Variants in CHRNB4 observed in about 807,000 individuals in gnomAD.
CHRNB4 encodes the protein cholinergic receptor nicotinic beta 4 subunit.
CHRNB4 carries 23 observed loss-of-function variants against 40.4 expected under a neutral mutation model. That is an observed-to-expected ratio of 0.57 (90% CI 0.41 to 0.81). CHRNB4 has a LOEUF of 0.81. Ranked by LOEUF, CHRNB4 falls within the 30% of genes least tolerant of loss-of-function variation. The pLI, the probability that CHRNB4 is intolerant of heterozygous loss-of-function variation, is 0.00. For missense variants in CHRNB4, 568 were observed against 670.6 expected, an observed-to-expected ratio of 0.85 and a Z score of 1.69; for synonymous variants, 285 against 274.4, an observed-to-expected ratio of 1.04 and a Z score of -0.38.
At chr15:78,637,508 G>C (rs2053978034) in intron 1 of CHRNB4, among the ~76,000 whole-genome samples, 1 of 151,410 alleles carries the variant, frequency 6.6e-6, no homozygotes, top group South Asian at 2.1e-4. Context: ...GGTGGGGGCG[G>C]GCATGCTGGT....
chr15:78,638,240 C>T (rs2053996010), intron 1 of CHRNB4, among the ~76,000 whole-genome samples: 1 of 152,248 alleles, frequency 6.6e-6, no homozygotes, highest in Admixed American at 6.5e-5. Flanking sequence ...CCTGATGTGC[C>T]CGGGTGGCTC....
chr15:78,642,302 G>A (rs145011651), upstream of CHRNB4, among the ~76,000 whole-genome samples: 64 of 152,356 alleles, frequency 4.2e-4, no homozygotes, highest in African/African-American at 1.5e-3. Flanking sequence ...TCTCCAAACT[G>A]CAGCAGTAAT....
chr15:78,655,414 A>C lies in CHRNB4; in HGVS notation c.-110+130T>G, dbSNP rs921230553. Reference sequence around the variant, plus strand: ...GTATATATACGTTACATATCTATATATATCTATATATCTATATCTATATAT... The same window carrying C: ...GTATATATACGTTACATATCTATATCTATCTATATATCTATATCTATATAT... On this transcript the variant is annotated intron_variant and NMD_transcript_variant, in intron 5 of 11. Coordinates refer to the CHRNB4 transcript ENST00000559849. 5 of 148,528 alleles carry C rather than the reference A, an allele frequency of 3.4e-5. No homozygotes were observed. In the South Asian group the frequency reaches 8.3e-4, roughly 25 times the overall value. The allele number at this position is 148,528 out of a possible 1,614,324, so 9.2% of individuals were successfully genotyped here.
At chr15:78,639,349 G>A (rs2054023486) in intron 1 of CHRNB4, among the ~76,000 whole-genome samples, 2 of 152,144 alleles carry the variant, frequency 1.3e-5, no homozygotes, top group Non-Finnish European at 2.9e-5. Flanking sequence ...AGGCTGGAGT[G>A]CAGTGGCATG....
At chr15:78,627,474 G>A (rs1435021509) in intron 5 of CHRNB4, 1 of 152,122 alleles carries the variant, frequency 6.6e-6, no homozygotes, top group East Asian at 1.9e-4. Flanking sequence ...TGTGATTCTG[G>A]GGCTGTTCCT....
chr15:78,632,111 C>T (rs1596105253), intron 2 of CHRNB4, among the ~76,000 whole-genome samples: 1 of 152,046 alleles, frequency 6.6e-6, no homozygotes, highest in Non-Finnish European at 1.5e-5. Flanking sequence ...AATAGCACCT[C>T]GGTCCCTGCC....
chr15:78,639,575 AGT>A (rs2054028191), intron 1 of CHRNB4, among the ~76,000 whole-genome samples: 1 of 152,162 alleles, frequency 6.6e-6, no homozygotes. Context: ...TGGGATTACA[AGT>A]GTGAGCCACC....
intron 1 of CHRNB4, 140 bp from the exon 2 acceptor site, chr15:78,635,727 T>A (rs1209193267): frequency 1.1e-5 from 12 of 1,090,854 alleles, no homozygotes; most frequent in Non-Finnish European, 1.6e-5. Context: ...CAGGCCTGTC[T>A]CTCCTTGAGG....
At chr15:78,660,701 G>A (rs992205560), upstream of CHRNB4, 1 of 194,712 alleles carries the variant, frequency 5.1e-6, no homozygotes, top group Non-Finnish European at 1.1e-5. Flanking sequence ...CAGGAAATAG[G>A]CTGGTTTCTG....
intron 6 of CHRNB4, among the ~76,000 whole-genome samples, chr15:78,651,358 C>T (rs1457939249): frequency 1.3e-5 from 2 of 152,202 alleles, no homozygotes. Context: ...CTGGCAAATG[C>T]CAGCTTGTCC....
chr15:78,636,086 T>A (rs2053943780), intron 1 of CHRNB4, among the ~76,000 whole-genome samples: 1 of 152,152 alleles, frequency 6.6e-6, no homozygotes, highest in South Asian at 2.1e-4. Flanking sequence ...TTTTGTATTT[T>A]AGTAGAGACA....
chr15:78,653,083 G>A (rs1226145133), intron 5 of CHRNB4, among the ~76,000 whole-genome samples: 1 of 152,158 alleles, frequency 6.6e-6, no homozygotes, highest in Non-Finnish European at 1.5e-5. Context: ...GAAAGCCTCA[G>A]CAGATAGCAC....
At chr15:78,639,129 T>A (rs1281184965) in intron 1 of CHRNB4, among the ~76,000 whole-genome samples, 1 of 152,136 alleles carries the variant, frequency 6.6e-6, no homozygotes, top group East Asian at 1.9e-4. Flanking sequence ...ATTGAAAAAA[T>A]GGAAAGATAT....
At chr15:78,661,007 C>T (rs571969264), upstream of CHRNB4, 22 of 516,004 alleles carry the variant, frequency 4.3e-5, no homozygotes, top group African/African-American at 3.7e-4. Flanking sequence ...TCTCTTCTTC[C>T]AAAATCTTTT....
At chr15:78,630,112 G>A (rs2053768733) in intron 4 of CHRNB4, among the ~76,000 whole-genome samples, 167 bp from the exon 5 acceptor site, 1 of 151,094 alleles carries the variant, frequency 6.6e-6, no homozygotes, top group Non-Finnish European at 1.5e-5. Flanking sequence ...CAACTATGTG[G>A]TGGAGAGAGC....
At chr15:78,626,816 C>G (rs916914246) in intron 5 of CHRNB4, 2 of 152,230 alleles carry the variant, frequency 1.3e-5, no homozygotes, top group Non-Finnish European at 2.9e-5. Flanking sequence ...TTAATGAACA[C>G]TGGTGATTAT....
chr15:78,632,046 T>A (rs1022941131), intron 2 of CHRNB4, among the ~76,000 whole-genome samples: 1 of 152,152 alleles, frequency 6.6e-6, no homozygotes, highest in Admixed American at 6.5e-5. Context: ...TTCCACACTT[T>A]ATTCTGTTAT....
Position 78,659,409 on chromosome 15 carries a change from C to T in CHRNB4, c.-850-1040G>A, listed in dbSNP as rs922607347. On this transcript the variant is annotated intron_variant and NMD_transcript_variant, in intron 1 of 11. Transcript: ENST00000559849. ...CGCCACTGCACTCCAGCCTGGGCAA[C>T]AGAGAAAGACCGTGTCTCAAAAAGA... Among the ~76,000 whole-genome samples the T allele has an allele frequency of 2.0e-5, 3 of 152,252 alleles. No individual in the cohort carries two copies. In the South Asian group the frequency reaches 6.2e-4, roughly 32 times the overall value.
At chr15:78,660,206 TA>T (rs34647677) in intron 1 of CHRNB4, among the ~76,000 whole-genome samples, 2,382 of 143,628 alleles carry the variant, frequency 0.017, 69 homozygotes, top group African/African-American at 0.058. Context: ...GACTCCGTCT[TA>T]AAAAAAAAAA....
Sources: allele counts gnomAD v4.1 joint callset (sites outside exome capture counted in the v4.1 genomes callset), GRCh38; gene constraint gnomAD v4.1.1; transcripts MANE v1.5; gene names NCBI Gene and HGNC (gene_info 2026-07-23, HGNC 2026-07-21).